Variants in KDM4C observed in about 807,000 individuals in gnomAD.
KDM4C encodes the protein lysine demethylase 4C.
A neutral mutation model predicts 129.3 loss-of-function variants in KDM4C; 81 were observed. The ratio of observed to expected loss-of-function variants is 0.63; its 90% CI spans 0.52 to 0.75. The LOEUF (loss-of-function observed/expected upper bound fraction) is 0.75, where lower values mean the gene tolerates loss of function less well. KDM4C is among the 30% of genes least tolerant of loss of function. The pLI is 0.00. For synonymous variants in KDM4C, 573 were observed against 456.1 expected (o/e 1.26, Z -3.26); for missense variants, 1,457 against 1,304.0 (o/e 1.12, Z -1.81).
intron 8 of KDM4C, among the ~76,000 whole-genome samples, chr9:6,914,882 C>G (rs1490179354): frequency 6.6e-6 from 1 of 152,244 alleles, no homozygotes; most frequent in Non-Finnish European, 1.5e-5. Flanking sequence ...GCCTCTAAAA[C>G]TGTGAACAGT....
At chr9:6,789,387 AT>A (rs1439105402) in intron 1 of KDM4C, among the ~76,000 whole-genome samples, 3 of 151,682 alleles carry the variant, frequency 2.0e-5, no homozygotes, top group African/African-American at 7.3e-5. Flanking sequence ...CGCCTGGCTA[AT>A]TTTTGTATTT....
intron 5 of KDM4C, among the ~76,000 whole-genome samples, chr9:6,853,215 C>T (rs1036817113): frequency 6.6e-6 from 1 of 152,038 alleles, no homozygotes; most frequent in African/African-American, 2.4e-5. Flanking sequence ...AGCCCAGGTG[C>T]GGTTGCTCAT....
At chr9:6,967,211 G>A (rs970969691) in intron 8 of KDM4C, among the ~76,000 whole-genome samples, 14 of 152,094 alleles carry the variant, frequency 9.2e-5, no homozygotes, top group Admixed American at 8.5e-4. Flanking sequence ...ATCACTTGAG[G>A]TCAGGAGTTC....
intron 4 of KDM4C, among the ~76,000 whole-genome samples, chr9:6,826,966 T>C (rs994114863): frequency 6.6e-6 from 1 of 152,038 alleles, no homozygotes; most frequent in African/African-American, 2.4e-5. Flanking sequence ...ATGAAGGATG[T>C]GGGTGGGTGG....
chr9:7,153,250 A>G (rs1842875165), intron 19 of KDM4C, among the ~76,000 whole-genome samples: 1 of 152,094 alleles, frequency 6.6e-6, no homozygotes, highest in African/African-American at 2.4e-5. Context: ...CTTAAAAATA[A>G]TTTTTAAGTG....
intron 12 of KDM4C, among the ~76,000 whole-genome samples, chr9:6,994,425 C>T (rs1021732491): frequency 3.3e-5 from 5 of 152,148 alleles, no homozygotes; most frequent in Admixed American, 2.0e-4. Flanking sequence ...TCTCCTCTTC[C>T]ACCTCTACCG....
intron 4 of KDM4C, among the ~76,000 whole-genome samples, chr9:6,844,055 T>A (rs1340444940): frequency 6.6e-6 from 1 of 152,148 alleles, no homozygotes; most frequent in East Asian, 1.9e-4. Context: ...CAGGATCGTC[T>A]CAAACTCCTG....
chr9:6,757,264 TC>T (rs2130336988), upstream of KDM4C, among the ~76,000 whole-genome samples: 1 of 152,212 alleles, frequency 6.6e-6, no homozygotes, highest in Admixed American at 6.5e-5. Context: ...AACTCTAGTT[TC>T]TGAGGGACCG....
chr9:6,991,427 C>A (rs1818725596), intron 12 of KDM4C, among the ~76,000 whole-genome samples: 1 of 151,756 alleles, frequency 6.6e-6, no homozygotes, highest in African/African-American at 2.4e-5. Flanking sequence ...ATTTTTGTTG[C>A]CTCAAATTAA....
chr9:6,733,907 G>C (rs1000184170), intron 1 of KDM4C, among the ~76,000 whole-genome samples: 1 of 152,184 alleles, frequency 6.6e-6, no homozygotes, highest in Non-Finnish European at 1.5e-5. Flanking sequence ...GCTGCTGAGA[G>C]TGTAGCAGTG....
chr9:6,763,341 A>T (rs1282397494), intron 1 of KDM4C, among the ~76,000 whole-genome samples: 1 of 152,068 alleles, frequency 6.6e-6, no homozygotes, highest in Non-Finnish European at 1.5e-5. Flanking sequence ...CACTTCTTTG[A>T]TTGATTCCAT....
intron 1 of KDM4C, among the ~76,000 whole-genome samples, chr9:6,748,036 A>C (rs1314448515): frequency 6.6e-6 from 1 of 151,812 alleles, no homozygotes; most frequent in Non-Finnish European, 1.5e-5. Context: ...AAATTAGCTG[A>C]GTGTGGTGGC....
intron 8 of KDM4C, among the ~76,000 whole-genome samples, chr9:6,936,989 C>A (rs573676930): frequency 6.6e-6 from 1 of 152,142 alleles, no homozygotes; most frequent in Admixed American, 6.5e-5. Context: ...GACCCATATC[C>A]CTGTAGTTAC....
chr9:6,984,265 A>C lies in KDM4C; in HGVS notation c.1215A>C (p.Ser405=), dbSNP rs780583805. 1.9e-6 allele frequency: 3 copies of C among 1,614,066 alleles called. No individual in the cohort carries two copies. The Admixed American group carries it at 5.0e-5, about 27-fold the overall frequency. The change falls in exon 10 of 22, where the codon TCA becomes TCC. Residue 405 remains serine (S), a synonymous_variant. Coordinates refer to ENST00000381309, the MANE Select transcript of KDM4C (RefSeq NM_015061.6). The stretch of plus-strand genomic sequence containing the variant: ...GGGCAGAGGTCCCTAACCCCGACTC[A>C]GTCACAGATGACCTCAAGGTCAGTG... ...VDGAEVPNPD[S]VTDDLKVSEK... is the part of the protein sequence containing the mutation.
At chr9:7,044,105 A>G (rs974786649) in intron 15 of KDM4C, among the ~76,000 whole-genome samples, 3 of 152,058 alleles carry the variant, frequency 2.0e-5, no homozygotes, top group African/African-American at 7.2e-5. Flanking sequence ...TTGCAAGAGT[A>G]ATAAAGCTAA....
At chr9:7,111,976 T>G (rs1033470868) in intron 18 of KDM4C, among the ~76,000 whole-genome samples, 5 of 152,028 alleles carry the variant, frequency 3.3e-5, no homozygotes, top group African/African-American at 1.2e-4. Context: ...GGAGGCTTCC[T>G]GGGAGCAAGA....
chr9:7,130,091 C>T (rs945805202), intron 19 of KDM4C, among the ~76,000 whole-genome samples: 1 of 152,226 alleles, frequency 6.6e-6, no homozygotes, highest in Non-Finnish European at 1.5e-5. Flanking sequence ...TGGACTTTCA[C>T]CAGCCCTGTG....
chr9:7,137,845 A>G (rs775397852), intron 19 of KDM4C, among the ~76,000 whole-genome samples: 17 of 152,234 alleles, frequency 1.1e-4, no homozygotes, highest in Non-Finnish European at 1.6e-4. Context: ...CCATAAATCA[A>G]TGAAGAGTTT....
At chr9:6,817,093 G>A (rs1318653021) in intron 4 of KDM4C, among the ~76,000 whole-genome samples, 1 of 151,734 alleles carries the variant, frequency 6.6e-6, no homozygotes, top group African/African-American at 2.4e-5. Flanking sequence ...CATATTGAAG[G>A]ATATATGATT....
Sources: allele counts gnomAD v4.1 joint callset (sites outside exome capture counted in the v4.1 genomes callset), GRCh38; gene constraint gnomAD v4.1.1; transcripts MANE v1.5; gene names NCBI Gene and HGNC (gene_info 2026-07-23, HGNC 2026-07-21).